Variants in PLEKHA8 observed in about 807,000 individuals in gnomAD.
The protein encoded by PLEKHA8 is pleckstrin homology domain-containing family A member 8.
PLEKHA8 carries 36 observed loss-of-function variants against 68.2 expected under a neutral mutation model. The observed-to-expected ratio is 0.53, with a 90% confidence interval of 0.40 to 0.70. The LOEUF is 0.70. PLEKHA8 is among the 30% of genes least tolerant of loss of function. PLEKHA8 has a pLI of 0.00. For missense variants in PLEKHA8, 505 were observed against 615.4 expected (o/e 0.82, Z 1.90); for synonymous variants, 211 against 216.1 (o/e 0.98, Z 0.20).
chr7:30,060,302 G>A (rs760820658), intron 9 of PLEKHA8, among the ~76,000 whole-genome samples: 9 of 151,924 alleles, frequency 5.9e-5, no homozygotes, highest in Non-Finnish European at 1.2e-4. Context: ...TTAGCTGGGC[G>A]TGGTGGTGGG....
intron 12 of PLEKHA8, chr7:30,071,676 A>C (rs1583430044): frequency 6.6e-6 from 1 of 152,240 alleles, no homozygotes; most frequent in South Asian, 2.1e-4. Flanking sequence ...TTCTTGTTGA[A>C]TAGAGCAGGT....
At chr7:30,062,815 G>A (rs1299844668) in intron 12 of PLEKHA8, 73 bp downstream of exon 12, 2 of 1,074,912 alleles carry the variant, frequency 1.9e-6, no homozygotes, top group Non-Finnish European at 2.7e-6. Flanking sequence ...AGGATACAGG[G>A]TATAGGGGAT....
At chr7:30,089,124 G>C (rs537397741), downstream of PLEKHA8, among the ~76,000 whole-genome samples, 35 of 152,258 alleles carry the variant, frequency 2.3e-4, no homozygotes, top group Non-Finnish European at 4.6e-4. Context: ...GCAGAGTCCA[G>C]TCCTCTAGTA....
At chr7:30,111,137 C>T (rs1796260899) in intron 13 of PLEKHA8, among the ~76,000 whole-genome samples, 2 of 152,140 alleles carry the variant, frequency 1.3e-5, no homozygotes, top group Non-Finnish European at 2.9e-5. Context: ...TTCCTAACCT[C>T]AGGTGATCCA....
intron 1 of PLEKHA8, among the ~76,000 whole-genome samples, chr7:30,040,312 C>G (rs76100503): frequency 0.056 from 8,448 of 152,182 alleles, 364 homozygotes; most frequent in Middle Eastern, 0.078. Flanking sequence ...TCCTTCTGTC[C>G]CTCAAATCCT....
rs150532697 is a variant in PLEKHA8, at chr7:30,036,213, G to A, written c.40+7411G>A. ...GGAGGTTGCAGTGAGCTAAGGGGTT[G>A]CAGTGAGCCAAGATCACACCTGTGT... On this transcript the variant is annotated intron_variant, in intron 1 of 13. Transcript: ENST00000449726. Among the ~76,000 whole-genome samples the A allele has an allele frequency of 3.3e-3, 506 of 151,850 alleles. 2 individuals are homozygous for A. The highest frequency in any genetic ancestry group is 0.012 in the African/African-American group (479 of 41,462).
intron 12 of PLEKHA8, chr7:30,071,793 A>G (rs557875826): frequency 3.9e-5 from 6 of 152,348 alleles, no homozygotes; most frequent in African/African-American, 1.2e-4. Context: ...GATTCACAGT[A>G]TCTTACCTTG....
chr7:30,061,716 T>TG (rs1283396984), intron 10 of PLEKHA8, among the ~76,000 whole-genome samples, 181 bp from the exon 11 acceptor site: 1 of 152,220 alleles, frequency 6.6e-6, no homozygotes, highest in African/African-American at 2.4e-5. Context: ...TAATTCCAGT[T>TG]TAAGCTACAT....
chr7:30,058,807 C>A (rs570616327), intron 9 of PLEKHA8, among the ~76,000 whole-genome samples: 1 of 152,200 alleles, frequency 6.6e-6, no homozygotes, highest in African/African-American at 2.4e-5. Flanking sequence ...TATCTCTAAA[C>A]CAATTAGGGG....
chr7:30,067,690 G>C (rs915738003), intron 12 of PLEKHA8, among the ~76,000 whole-genome samples: 1 of 152,128 alleles, frequency 6.6e-6, no homozygotes, highest in Non-Finnish European at 1.5e-5. Flanking sequence ...GCAGCATCTA[G>C]CATTGGACTA....
intron 13 of PLEKHA8, among the ~76,000 whole-genome samples, chr7:30,096,989 G>A (rs887235904): frequency 5.9e-5 from 9 of 152,134 alleles, no homozygotes; most frequent in South Asian, 2.1e-4. Context: ...CATGTTTAGT[G>A]CTTCCTTCAG....
intron 13 of PLEKHA8, chr7:30,118,143 C>G: frequency 1.1e-6 from 1 of 880,520 alleles, no homozygotes; most frequent in South Asian, 2.8e-5. Flanking sequence ...CCAGGATGCC[C>G]AGCAAGCCCC....
intron 13 of PLEKHA8, among the ~76,000 whole-genome samples, chr7:30,111,729 C>T (rs1400633052): frequency 1.3e-5 from 2 of 152,056 alleles, no homozygotes; most frequent in African/African-American, 4.8e-5. Flanking sequence ...AAGCAGTCCT[C>T]CCACCTCAGC....
At position 30,061,953 on chromosome 7, in the gene PLEKHA8, A is replaced by T. The variant is rs765347961; in HGVS notation, c.1155A>T (p.Ile385=). The T allele has an allele frequency of 1.2e-5, 19 of 1,614,032 alleles. No individual in the cohort carries two copies. In the African/African-American group the frequency reaches 2.3e-4, roughly 19 times the overall value. The change falls in exon 11 of 14, where the codon ATA becomes ATT. Residue 385 remains isoleucine (I), a synonymous_variant. Transcript: ENST00000449726. The stretch of plus-strand genomic sequence containing the variant: ...AAGAGTTTACCACTCTCCAGAAGAT[A>T]GTGCTGCACGAAGTGGAGGCGGATG... ...NKEEFTTLQK[I]VLHEVEADVA... is the part of the protein sequence containing the mutation.
chr7:30,129,251 T>G, intron 13 of PLEKHA8: 1 of 1,612,870 alleles, frequency 6.2e-7, no homozygotes, highest in Non-Finnish European at 8.5e-7. Context: ...CCTTCCCTCT[T>G]TTATCCTGGT....
At chr7:30,095,506 T>A (rs893082609), downstream of PLEKHA8, among the ~76,000 whole-genome samples, 1 of 152,256 alleles carries the variant, frequency 6.6e-6, no homozygotes, top group African/African-American at 2.4e-5. Context: ...GTTTCTTTGC[T>A]GCGCAGAAGC....
At chr7:30,076,468 T>C (rs1473400103) in intron 13 of PLEKHA8, among the ~76,000 whole-genome samples, 3 of 152,330 alleles carry the variant, frequency 2.0e-5, no homozygotes, top group African/African-American at 7.2e-5. Context: ...AACCACAGTT[T>C]ACAGTTTTGA....
rs910091450 is a variant in PLEKHA8, at chr7:30,084,068, C to T, written c.*5281C>T. 1 of 985,398 alleles carries T rather than the reference C, an allele frequency of 1.0e-6. No homozygotes were observed. Among genetic ancestry groups the T allele is most frequent in the Non-Finnish European group, 1.2e-6 (1 of 829,928 alleles). 61.0% of individuals were successfully genotyped at this position (985,398 alleles called of 1,614,324 possible). On this transcript the variant is annotated 3_prime_UTR_variant, in exon 14 of 14. Transcript: ENST00000449726. ...AGAATGTCATTAAACAGCCCAACTA[C>T]CTCATGTGAAATTGGCTGTGGACAA...
At chr7:30,029,384 T>C (rs1790477121) in intron 1 of PLEKHA8, among the ~76,000 whole-genome samples, 1 of 152,248 alleles carries the variant, frequency 6.6e-6, no homozygotes, top group Admixed American at 6.5e-5. Context: ...CATTTCCTTT[T>C]GTTTTACAGA....
Sources: gnomAD v4.1 joint callset for allele counts (sites outside exome capture counted in the v4.1 genomes callset) on GRCh38, gnomAD v4.1.1 for gene constraint, MANE v1.5 for transcripts, NCBI Gene and HGNC (gene_info 2026-07-23, HGNC 2026-07-21) for gene names.